PACRG: variants seen among roughly 807,000 people sequenced by gnomAD.
PACRG encodes the protein parkin coregulated.
Under a neutral mutation model 29.7 loss-of-function variants are expected in PACRG, and 29 were observed. The ratio of observed to expected loss-of-function variants is 0.98; its 90% CI spans 0.73 to 1.33. PACRG has a LOEUF of 1.33. Ranked by LOEUF, PACRG falls within the 40% of genes most tolerant of loss-of-function variation. PACRG has a pLI of 0.00. For synonymous variants in PACRG, 116 were observed against 118.7 expected (o/e 0.98, Z 0.15); for missense variants, 279 against 316.2 (o/e 0.88, Z 0.89).
intron 2 of PACRG, among the ~76,000 whole-genome samples, chr6:162,979,093 T>C (rs1222395095): frequency 6.6e-6 from 1 of 152,204 alleles, no homozygotes; most frequent in Non-Finnish European, 1.5e-5. Flanking sequence ...GATAATAACC[T>C]GTCTTTATAA....
chr6:163,252,370 A>G (rs1782941031), intron 4 of PACRG, among the ~76,000 whole-genome samples: 1 of 152,252 alleles, frequency 6.6e-6, no homozygotes, highest in African/African-American at 2.4e-5. Flanking sequence ...GATGAGCAGC[A>G]GGGGGGCGAC....
intron 2 of PACRG, among the ~76,000 whole-genome samples, chr6:162,884,807 C>A (rs1257566205): frequency 6.6e-6 from 1 of 152,102 alleles, no homozygotes; most frequent in Admixed American, 6.5e-5. Flanking sequence ...AATGATAAAC[C>A]TAAAAACCTC....
At chr6:163,152,778 T>G (rs948403693) in intron 4 of PACRG, among the ~76,000 whole-genome samples, 16 of 152,236 alleles carry the variant, frequency 1.1e-4, no homozygotes, top group African/African-American at 3.9e-4. Context: ...AAAGTGATTT[T>G]GAAAAATCTT....
At chr6:162,807,464 A>G (rs1027243615) in intron 1 of PACRG, among the ~76,000 whole-genome samples, 4 of 152,144 alleles carry the variant, frequency 2.6e-5, no homozygotes, top group Admixed American at 6.5e-5. Flanking sequence ...GGAGCCATGT[A>G]GAGTTATTAA....
chr6:162,992,456 G>A (rs1319379356), intron 2 of PACRG, among the ~76,000 whole-genome samples: 2 of 148,950 alleles, frequency 1.3e-5, no homozygotes, highest in Non-Finnish European at 3.0e-5. Flanking sequence ...ACTTCTTCCT[G>A]GTTTAATCTT....
intron 4 of PACRG, among the ~76,000 whole-genome samples, chr6:163,096,620 T>G (rs562994676): frequency 6.6e-6 from 1 of 152,262 alleles, no homozygotes; most frequent in African/African-American, 2.4e-5. Context: ...CTGGGAGGAT[T>G]AAAGCAGCTC....
At chr6:163,036,256 T>C (rs1808176935) in intron 2 of PACRG, among the ~76,000 whole-genome samples, 1 of 152,188 alleles carries the variant, frequency 6.6e-6, no homozygotes, top group Admixed American at 6.5e-5. Context: ...TATCAGAAAT[T>C]GGCATTAGGG....
At chr6:163,151,231 G>A (rs1289133184) in intron 4 of PACRG, among the ~76,000 whole-genome samples, 2 of 152,156 alleles carry the variant, frequency 1.3e-5, no homozygotes, top group Non-Finnish European at 2.9e-5. Context: ...TGAAACCTTT[G>A]TTGGCCCGGA....
At chr6:162,808,252 A>G (rs999330743) in intron 1 of PACRG, among the ~76,000 whole-genome samples, 5 of 152,216 alleles carry the variant, frequency 3.3e-5, no homozygotes, top group Admixed American at 6.5e-5. Context: ...ACTCAAGTCA[A>G]CAGGTCTTGC....
chr6:162,854,233 C>A (rs528995563), intron 2 of PACRG, among the ~76,000 whole-genome samples: 1 of 148,974 alleles, frequency 6.7e-6, no homozygotes, highest in East Asian at 2.0e-4. Context: ...TATATAGTAT[C>A]CTGCGCATAG....
intron 2 of PACRG, among the ~76,000 whole-genome samples, chr6:163,032,611 G>A (rs1807774820): frequency 6.6e-6 from 1 of 152,110 alleles, no homozygotes; most frequent in Non-Finnish European, 1.5e-5. Flanking sequence ...AATTATAAGA[G>A]TTTTTTATAA....
chr6:162,837,619 A>C (rs1424703415), intron 2 of PACRG, among the ~76,000 whole-genome samples: 3 of 152,194 alleles, frequency 2.0e-5, no homozygotes, highest in Non-Finnish European at 4.4e-5. Context: ...ACAAGCAAGG[A>C]AATCAAATGA....
intron 2 of PACRG, among the ~76,000 whole-genome samples, chr6:162,994,514 T>G (rs1363578638): frequency 6.6e-6 from 1 of 152,022 alleles, no homozygotes; most frequent in Admixed American, 6.5e-5. Context: ...GCTGATACCC[T>G]TTCTTCCAGT....
chr6:163,105,308 C>T (rs528437522), intron 4 of PACRG, among the ~76,000 whole-genome samples: 14 of 152,048 alleles, frequency 9.2e-5, no homozygotes, highest in South Asian at 2.1e-4. Flanking sequence ...TTATAAAAAC[C>T]TGCGAGACAC....
At chr6:163,297,471 G>T (rs1214678867) in intron 4 of PACRG, among the ~76,000 whole-genome samples, 1 of 152,054 alleles carries the variant, frequency 6.6e-6, no homozygotes, top group Non-Finnish European at 1.5e-5. Flanking sequence ...CTGCCTCCAA[G>T]TTCATCTCCC....
chr6:162,740,194 G>A (rs1444979032), intron 1 of PACRG, among the ~76,000 whole-genome samples: 1 of 152,088 alleles, frequency 6.6e-6, no homozygotes, highest in Non-Finnish European at 1.5e-5. Flanking sequence ...CCTAGTTGAC[G>A]TCGTTGCTTT....
intron 2 of PACRG, among the ~76,000 whole-genome samples, chr6:162,828,866 C>T (rs1340058513): frequency 1.3e-5 from 2 of 151,894 alleles, no homozygotes; most frequent in African/African-American, 4.8e-5. Context: ...ATTTCAGGAC[C>T]TAGTACTAAA....
At chr6:163,251,368 C>T (rs1425273438) in intron 4 of PACRG, among the ~76,000 whole-genome samples, 1 of 152,202 alleles carries the variant, frequency 6.6e-6, no homozygotes, top group Non-Finnish European at 1.5e-5. Context: ...TATCTCTGCA[C>T]TTTGGAGGTC....
In PACRG at chr6:163,194,554, G is replaced by C. The variant is rs534183317; in HGVS notation, c.613+105146G>C. On this transcript the variant is annotated intron_variant, in intron 4 of 4. Transcript: ENST00000366888. ...CTGCCATCAAGCACAGAATGGACTT[G>C]ACGGGGACCCTGACAGCCAGTCATT... Among the ~76,000 whole-genome samples the C allele has an allele frequency of 2.6e-5, 4 of 152,284 alleles. No individual in the cohort carries two copies. The South Asian group carries it at 8.3e-4, about 32-fold the overall frequency.
Sources: gnomAD v4.1 joint callset for allele counts (sites outside exome capture counted in the v4.1 genomes callset) on GRCh38, gnomAD v4.1.1 for gene constraint, MANE v1.5 for transcripts, NCBI Gene and HGNC (gene_info 2026-07-23, HGNC 2026-07-21) for gene names.